The following AHRR variants were observed in gnomAD, a reference collection of about 807,000 sequenced individuals.
AHRR encodes ahR repressor.
AHRR carries 28 observed loss-of-function variants against 44.0 expected under a neutral mutation model. The ratio of observed to expected loss-of-function variants is 0.64; its 90% confidence interval spans 0.47 to 0.87. The LOEUF is 0.87. Ranked by LOEUF, AHRR falls within the 40% of genes least tolerant of loss-of-function variation. AHRR has a pLI of 0.00. For synonymous variants in AHRR, 434 were observed against 407.0 expected (o/e 1.07, Z -0.80); for missense variants, 990 against 953.9 (o/e 1.04, Z -0.50).
At chr5:335,452 G>A (rs1004657443) in intron 1 of AHRR, among the ~76,000 whole-genome samples, 2 of 152,202 alleles carry the variant, frequency 1.3e-5, no homozygotes, top group Admixed American at 1.3e-4. Context: ...GTCCCAGGTG[G>A]TGGACTGTGT....
chr5:355,786 C>T (rs1743018160), intron 3 of AHRR, among the ~76,000 whole-genome samples: 1 of 152,234 alleles, frequency 6.6e-6, no homozygotes, highest in East Asian at 1.9e-4. Flanking sequence ...GGGAGGTGCC[C>T]ACCTCTGCCG....
chr5:389,418 G>A (rs1025312578), intron 4 of AHRR, among the ~76,000 whole-genome samples: 1 of 152,200 alleles, frequency 6.6e-6, no homozygotes, highest in African/African-American at 2.4e-5. Context: ...GTGAATCAAC[G>A]ACACCAACAT....
Position 404,919 on chromosome 5 carries a change from G to A in AHRR, c.352-8425G>A, listed in dbSNP as rs139853473. On this transcript the variant is annotated intron_variant, in intron 4 of 10. Coordinates refer to ENST00000684583, the MANE Select transcript of AHRR (RefSeq NM_001377236.1). This position sits in a 1 kb window ranked among gnomAD's most constrained non-coding sequence, Gnocchi z 4.1. ...CAGTCCATTTTGAGGAGGCTGGCAC[G>A]AGGCTGTCTTCACACTCCCCGCGGG... 8.5e-5 allele frequency among the ~76,000 whole-genome samples: 13 copies of A among 152,270 alleles called. No homozygotes were observed. In the East Asian group the frequency reaches 1.4e-3, roughly 16 times the overall value.
At chr5:350,447 C>T (rs1742820847) in intron 2 of AHRR, among the ~76,000 whole-genome samples, 1 of 152,212 alleles carries the variant, frequency 6.6e-6, no homozygotes, top group Admixed American at 6.5e-5. Context: ...CTGGAGTGAA[C>T]TGGAGCTTCT....
chr5:349,874 C>T (rs1325678239), intron 2 of AHRR, among the ~76,000 whole-genome samples: 1 of 152,156 alleles, frequency 6.6e-6, no homozygotes, highest in Non-Finnish European at 1.5e-5. Flanking sequence ...ATTTTCCTTT[C>T]CCTGTTTAAT....
intron 7 of AHRR, among the ~76,000 whole-genome samples, chr5:426,620 C>CAGATGGATGGGT (rs142240127): frequency 7.1e-6 from 1 of 141,180 alleles, no homozygotes; most frequent in Non-Finnish European, 1.5e-5. Context: ...GATGGATGGA[C>CAGATGGATGGGT]GGATGGGTGG....
At chr5:341,464 C>G (rs1222351871) in intron 1 of AHRR, among the ~76,000 whole-genome samples, 2 of 151,204 alleles carry the variant, frequency 1.3e-5, no homozygotes, top group Non-Finnish European at 2.9e-5. Flanking sequence ...AAAGAACCAA[C>G]TTTTGGTTTA....
intron 5 of AHRR, among the ~76,000 whole-genome samples, chr5:417,833 G>C (rs921256017): frequency 2.0e-5 from 3 of 152,198 alleles, no homozygotes; most frequent in African/African-American, 7.2e-5. Flanking sequence ...GAAAAAATTA[G>C]AGCAGCTTTG....
intron 7 of AHRR, among the ~76,000 whole-genome samples, chr5:426,538 G>A (rs1044128817): frequency 1.3e-5 from 2 of 151,828 alleles, no homozygotes; most frequent in African/African-American, 4.8e-5. Flanking sequence ...ATGACGGATG[G>A]ATAGATGGAC....
intron 3 of AHRR, among the ~76,000 whole-genome samples, chr5:373,832 G>A (rs1195357610): frequency 6.6e-6 from 1 of 150,904 alleles, no homozygotes; most frequent in Non-Finnish European, 1.5e-5. Context: ...TGGGGCTCCT[G>A]GCGCCCTGCC....
intron 3 of AHRR, among the ~76,000 whole-genome samples, chr5:356,371 C>T (rs891519689): frequency 2.6e-5 from 4 of 152,248 alleles, no homozygotes; most frequent in Admixed American, 2.0e-4. Flanking sequence ...AGCCCCGGCT[C>T]TGTTGCTGAA....
intron 4 of AHRR, among the ~76,000 whole-genome samples, chr5:410,131 C>G (rs1735415206): frequency 6.6e-6 from 1 of 152,192 alleles, no homozygotes; most frequent in Non-Finnish European, 1.5e-5. Flanking sequence ...AAAATAAGTT[C>G]CACAATTTCG....
chr5:389,613 C>G, intron 4 of AHRR, among the ~76,000 whole-genome samples: 1 of 152,080 alleles, frequency 6.6e-6, no homozygotes, highest in South Asian at 2.1e-4. Flanking sequence ...GCTGGGAGCC[C>G]TGGACACCGA....
In AHRR at chr5:432,871, C is replaced by G; in HGVS notation, c.1036C>G (p.Gln346Glu). The change falls in exon 10 of 11, where the codon CAG becomes GAG. Residue 346 changes from glutamine (Q) to glutamate (E), a missense_variant. Coordinates refer to ENST00000684583, the MANE Select transcript of AHRR (RefSeq NM_001377236.1). ...ACAGACTGACGCTGGCCGATGGGCA[C>G]AGGTTCCCGCCAGGGCCCCATGCCT... ...REQTDAGRWA[Q>E]VPARAPCLCL... is the part of the protein sequence containing the mutation. 1 of 1,613,754 alleles carries G rather than the reference C, an allele frequency of 6.2e-7. No homozygotes were observed. Among genetic ancestry groups the G allele is most frequent in the Non-Finnish European group, 8.5e-7 (1 of 1,180,014 alleles).
chr5:373,765 G>T (rs1743664846), intron 3 of AHRR, among the ~76,000 whole-genome samples: 1 of 151,600 alleles, frequency 6.6e-6, no homozygotes, highest in Non-Finnish European at 1.5e-5. Flanking sequence ...CACCCGGAGC[G>T]CCCGCGCGGA....
At position 339,623 on chromosome 5, in the gene AHRR, G is replaced by A. The variant is rs565640687; in HGVS notation, c.-10-4270G>A. Reference sequence around the variant, plus strand: ...CAGCTTTGCCTTGTTCATGGTCTTGGGGGGAAGCATTTAGTCTTTCACCAT... The same window carrying A: ...CAGCTTTGCCTTGTTCATGGTCTTGAGGGGAAGCATTTAGTCTTTCACCAT... On this transcript the variant is annotated intron_variant, in intron 1 of 10. Coordinates refer to ENST00000684583, the MANE Select transcript of AHRR (RefSeq NM_001377236.1). Among the ~76,000 whole-genome samples the A allele has an allele frequency of 5.3e-5, 8 of 152,170 alleles. No individual in the cohort carries two copies. In the South Asian group the frequency reaches 1.2e-3, roughly 24 times the overall value.
chr5:435,037 A>G lies in AHRR; in HGVS notation c.*203A>G. The G allele has an allele frequency of 1.5e-6, 1 of 688,136 alleles. No individual in the cohort carries two copies. The highest frequency in any genetic ancestry group is 2.3e-6 in the Non-Finnish European group (1 of 429,192). 42.6% of individuals were successfully genotyped at this position (688,136 alleles called of 1,614,324 possible). A position where few individuals can be genotyped will look rare whatever the true frequency, so the allele number is the denominator to read the frequency against. On this transcript the variant is annotated 3_prime_UTR_variant, in exon 11 of 11. Coordinates refer to ENST00000684583, the MANE Select transcript of AHRR (RefSeq NM_001377236.1). ...TGTAAAATATCCCAACAGTTCTTAAATGAAAACTGGCCTTAAGTCTATTCA... is the reference window on the plus strand; with the variant it reads ...TGTAAAATATCCCAACAGTTCTTAAGTGAAAACTGGCCTTAAGTCTATTCA...
intron 5 of AHRR, among the ~76,000 whole-genome samples, chr5:414,904 G>A (rs1465930193): frequency 2.0e-5 from 3 of 152,232 alleles, no homozygotes; most frequent in Admixed American, 6.5e-5. Flanking sequence ...GCTCAGCAAC[G>A]AAGGACTAAA....
At chr5:421,564 C>G (rs1736122498) in intron 5 of AHRR, among the ~76,000 whole-genome samples, 1 of 152,234 alleles carries the variant, frequency 6.6e-6, no homozygotes, top group African/African-American at 2.4e-5. Context: ...AGTTACAAGT[C>G]CTTAGGAAGG....
Sources: allele counts gnomAD v4.1 joint callset (sites outside exome capture counted in the v4.1 genomes callset), GRCh38; gene constraint gnomAD v4.1.1; non-coding constraint Gnocchi (gnomAD v3.1); transcripts MANE v1.5; gene names NCBI Gene and HGNC (gene_info 2026-07-23, HGNC 2026-07-21).